NF1: variants seen among roughly 807,000 people sequenced by gnomAD.
The protein encoded by NF1 is neurofibromin.
Under a neutral mutation model 325.7 loss-of-function variants are expected in NF1, and 122 were observed. That is an observed-to-expected ratio of 0.37 (90% CI 0.32 to 0.44). The LOEUF (loss-of-function observed/expected upper bound fraction) is 0.44. Among genes scored for constraint, NF1 ranks in the 20% least tolerant of loss-of-function variants. NF1 has a pLI of 1.00. For missense variants in NF1, 2,140 were observed against 3,415.4 expected (o/e 0.63, Z 9.31); for synonymous variants, 1,091 against 1,186.0 (o/e 0.92, Z 1.65).
At chr17:31,280,964 A>AC (rs1356784716) in intron 36 of NF1, among the ~76,000 whole-genome samples, 1 of 152,122 alleles carries the variant, frequency 6.6e-6, no homozygotes, top group African/African-American at 2.4e-5. Context: ...TAACTAGAAA[A>AC]CCAACAAAAG....
intron 47 of NF1, among the ~76,000 whole-genome samples, chr17:31,340,860 AC>A (rs376356657): frequency 4.0e-5 from 6 of 150,884 alleles, no homozygotes; most frequent in Non-Finnish European, 4.4e-5. Flanking sequence ...AAAAAAAAAA[AC>A]AAAAAAAAAA....
chr17:31,293,568 C>CA (rs1010946628), intron 36 of NF1, among the ~76,000 whole-genome samples: 29 of 151,076 alleles, frequency 1.9e-4, no homozygotes, highest in Admixed American at 1.4e-3. Flanking sequence ...CCTTAAAAAG[C>CA]AAAAAAAAGA....
chr17:31,104,989 C>G (rs898961493), intron 1 of NF1, among the ~76,000 whole-genome samples: 1 of 152,160 alleles, frequency 6.6e-6, no homozygotes, highest in Non-Finnish European at 1.5e-5. Context: ...ACCATAGCCT[C>G]GAACTCCTGG....
intron 8 of NF1, among the ~76,000 whole-genome samples, chr17:31,194,600 C>T (rs1205331045): frequency 1.3e-5 from 2 of 151,996 alleles, no homozygotes; most frequent in Non-Finnish European, 2.9e-5. Context: ...GATTTGATCT[C>T]TGTATAGCTA....
chr17:31,274,499 C>T (rs2151478859), intron 36 of NF1, among the ~76,000 whole-genome samples: 1 of 152,170 alleles, frequency 6.6e-6, no homozygotes, highest in Admixed American at 6.5e-5. Flanking sequence ...AATGAATAAA[C>T]CATGAATAGA....
In NF1 at chr17:31,232,983, ATC is replaced by A. The variant is rs1567851216; in HGVS notation, c.3497-17_3497-16del. The A allele has an allele frequency of 1.2e-6, 2 of 1,614,136 alleles. No individual in the cohort carries two copies. Among genetic ancestry groups the A allele is most frequent in the Non-Finnish European group, 8.5e-7 (1 of 1,179,940 alleles). ...AGCAAGGCCATGTTAGTAAATTTGC[ATC>A]TGTTTGTCCACATTAGGCTTAGGTT... On this transcript the variant is annotated splice_polypyrimidine_tract_variant and intron_variant, in intron 26 of 57. Coordinates refer to ENST00000358273, the MANE Select transcript of NF1 (RefSeq NM_001042492.3).
intron 1 of NF1, among the ~76,000 whole-genome samples, chr17:31,105,895 C>G (rs971743918): frequency 6.6e-6 from 1 of 152,188 alleles, no homozygotes; most frequent in Non-Finnish European, 1.5e-5. Flanking sequence ...AGTGGTATAT[C>G]TAGCACAAGA....
intron 5 of NF1, among the ~76,000 whole-genome samples, chr17:31,177,569 T>C (rs1467031083): frequency 6.6e-6 from 1 of 151,846 alleles, no homozygotes; most frequent in African/African-American, 2.4e-5. Context: ...AACAAACTCC[T>C]CCAAGCTAAA....
chr17:31,186,763 C>T (rs1451150170), intron 8 of NF1, among the ~76,000 whole-genome samples: 1 of 152,200 alleles, frequency 6.6e-6, no homozygotes, highest in African/African-American at 2.4e-5. Context: ...TCTCCTCGCC[C>T]AATGGGCCCA....
At chr17:31,178,102 T>A (rs2066057154) in intron 5 of NF1, among the ~76,000 whole-genome samples, 1 of 152,004 alleles carries the variant, frequency 6.6e-6, no homozygotes. Context: ...GAAAAAATAT[T>A]AAGGGCAGCC....
chr17:31,164,669 G>T (rs1013193624), intron 4 of NF1, among the ~76,000 whole-genome samples: 4 of 152,126 alleles, frequency 2.6e-5, no homozygotes, highest in Non-Finnish European at 5.9e-5. Flanking sequence ...CACCATTTGA[G>T]AATTTGTGTT....
chr17:31,333,432 G>A (rs1205766072), intron 39 of NF1, among the ~76,000 whole-genome samples: 2 of 152,138 alleles, frequency 1.3e-5, no homozygotes, highest in East Asian at 1.9e-4. Context: ...CATCATGAAA[G>A]TATCTCCAGA....
chr17:31,148,372 A>G (rs1299643411), intron 1 of NF1, among the ~76,000 whole-genome samples: 1 of 150,128 alleles, frequency 6.7e-6, no homozygotes. Context: ...TGGTATGACA[A>G]GATGTTCCGG....
At chr17:31,275,422 A>G (rs2067987618) in intron 36 of NF1, among the ~76,000 whole-genome samples, 2 of 152,200 alleles carry the variant, frequency 1.3e-5, no homozygotes, top group Non-Finnish European at 2.9e-5. Context: ...TAGTACAATA[A>G]GATATTTTGA....
At chr17:31,331,423 A>G (rs1231688873) in intron 39 of NF1, 1 of 152,232 alleles carries the variant, frequency 6.6e-6, no homozygotes, top group Non-Finnish European at 1.5e-5. Flanking sequence ...GAATGGAGAT[A>G]GAACTTAAAT....
At chr17:31,273,734 T>A (rs1476673031) in intron 36 of NF1, 1 of 152,232 alleles carries the variant, frequency 6.6e-6, no homozygotes, top group Non-Finnish European at 1.5e-5. Context: ...AGTATCCAAC[T>A]GAGTGTTTCC....
At chr17:31,309,418 A>G (rs1401097298) in intron 36 of NF1, among the ~76,000 whole-genome samples, 1 of 152,182 alleles carries the variant, frequency 6.6e-6, no homozygotes, top group Non-Finnish European at 1.5e-5. Context: ...GGAAAATTTG[A>G]ACACTTTTGG....
At chr17:31,253,226 G>T in intron 31 of NF1, 1 of 493,964 alleles carries the variant, frequency 2.0e-6, no homozygotes, top group South Asian at 2.4e-5. Flanking sequence ...CAATTTGTGG[G>T]CATTTGTTGC....
chr17:31,190,089 C>CAA (rs766783457), intron 8 of NF1, among the ~76,000 whole-genome samples: 2,214 of 98,122 alleles, frequency 0.023, 48 homozygotes, highest in African/African-American at 0.065. Flanking sequence ...AAATGTATTA[C>CAA]AAAAAAAAAA....
Sources: allele counts gnomAD v4.1 joint callset (sites outside exome capture counted in the v4.1 genomes callset), GRCh38; gene constraint gnomAD v4.1.1; transcripts MANE v1.5; gene names NCBI Gene and HGNC (gene_info 2026-07-23, HGNC 2026-07-21).